The following RFC3 variants were observed in gnomAD, a reference collection of about 807,000 sequenced individuals.
RFC3 encodes replication factor C subunit 3.
RFC3 carries 41 observed loss-of-function variants against 45.1 expected under a neutral mutation model. The observed-to-expected ratio is 0.91, with a 90% CI of 0.71 to 1.18. The LOEUF (loss-of-function observed/expected upper bound fraction) is 1.18. Among genes scored for constraint, RFC3 ranks in the 50% most tolerant of loss-of-function variants. The pLI is 0.00. For synonymous variants in RFC3, 149 were observed against 144.0 expected (o/e 1.03, Z -0.25); for missense variants, 423 against 428.1 (o/e 0.99, Z 0.10).
downstream of RFC3, among the ~76,000 whole-genome samples, chr13:33,968,180 T>C (rs1171235085): frequency 9.2e-5 from 14 of 152,128 alleles, no homozygotes; most frequent in Admixed American, 9.2e-4. Flanking sequence ...TAGGCTGGAG[T>C]GCAGTGATGC....
intron 8 of RFC3, among the ~76,000 whole-genome samples, chr13:33,918,219 G>A (rs2082745663): frequency 1.3e-5 from 2 of 152,120 alleles, no homozygotes; most frequent in African/African-American, 2.4e-5. Flanking sequence ...ATTTCAGACA[G>A]ACATGCTGCA....
intron 8 of RFC3, among the ~76,000 whole-genome samples, chr13:33,957,849 G>A (rs1284676054): frequency 6.6e-6 from 1 of 152,158 alleles, no homozygotes; most frequent in Admixed American, 6.5e-5. Flanking sequence ...GGCTGGCCAG[G>A]TGGCAGCTGG....
At chr13:33,902,290 A>G (rs968088934) in intron 8 of RFC3, among the ~76,000 whole-genome samples, 1 of 152,068 alleles carries the variant, frequency 6.6e-6, no homozygotes, top group African/African-American at 2.4e-5. Flanking sequence ...TCTGCCTGCC[A>G]TAGTTTGAGA....
chr13:33,836,484 G>A lies in RFC3; in HGVS notation c.*189G>A. 7.4e-7 allele frequency: 1 copy of A among 1,342,480 alleles called. No homozygotes were observed. Among genetic ancestry groups the A allele is most frequent in the Non-Finnish European group, 9.6e-7 (1 of 1,044,020 alleles). 83.2% of individuals were successfully genotyped at this position (1,342,480 alleles called of 1,614,324 possible). A position where few individuals can be genotyped will look rare whatever the true frequency, so the allele number is the denominator to read the frequency against. On this transcript the variant is annotated 3_prime_UTR_variant, in exon 9 of 9. Coordinates refer to ENST00000380071, the MANE Select transcript of RFC3 (RefSeq NM_002915.4). Reference sequence around the variant, plus strand: ...TGCTCCTATACTATTGAAGTATGTAGTTTTGTACATAACTTAGAGACTTTA... The same window carrying A: ...TGCTCCTATACTATTGAAGTATGTAATTTTGTACATAACTTAGAGACTTTA...
intron 8 of RFC3, among the ~76,000 whole-genome samples, chr13:33,845,842 T>C (rs2082233093): frequency 6.6e-6 from 1 of 152,224 alleles, no homozygotes; most frequent in Non-Finnish European, 1.5e-5. Flanking sequence ...TAGATGTTCA[T>C]AGATGTATGG....
At chr13:33,876,997 T>G (rs1257366936) in intron 8 of RFC3, among the ~76,000 whole-genome samples, 1 of 152,200 alleles carries the variant, frequency 6.6e-6, no homozygotes, top group Non-Finnish European at 1.5e-5. Context: ...CTATAACACT[T>G]TTATTGCAAT....
intron 8 of RFC3, among the ~76,000 whole-genome samples, chr13:33,919,290 A>C (rs776690366): frequency 1.3e-5 from 2 of 151,458 alleles, no homozygotes; most frequent in Non-Finnish European, 2.9e-5. Flanking sequence ...TGCACCAGCA[A>C]ATCCATTTTT....
chr13:33,819,005 C>A (rs1307897674), intron 1 of RFC3, among the ~76,000 whole-genome samples: 6 of 151,574 alleles, frequency 4.0e-5, no homozygotes, highest in African/African-American at 1.5e-4. Flanking sequence ...ATTCTCCTGC[C>A]TCAGCCTCCC....
intron 8 of RFC3, among the ~76,000 whole-genome samples, chr13:33,865,480 G>T (rs9315259): frequency 0.18 from 9,519 of 53,362 alleles, 610 homozygotes; most frequent in East Asian, 0.3. Context: ...CATAAGAAAA[G>T]AGTAACAGGA....
intron 8 of RFC3, among the ~76,000 whole-genome samples, chr13:33,888,600 GTGACAA>G (rs2082542430): frequency 6.6e-6 from 1 of 152,152 alleles, no homozygotes; most frequent in South Asian, 2.1e-4. Context: ...ATAACTGTTA[GTGACAA>G]TGAAAGTTTT....
chr13:33,965,424 C>G (rs1325438762), intron 8 of RFC3, among the ~76,000 whole-genome samples: 1 of 152,106 alleles, frequency 6.6e-6, no homozygotes, highest in Non-Finnish European at 1.5e-5. Context: ...AGCCTAGGAG[C>G]TATACCAAAT....
rs752022003 is a variant in RFC3, at chr13:33,836,979, GT to G, written c.*688del. ...ACTGTAGTAATTACTCTTTGAACAG[GT>G]TTTGTGTTTTGTCATTAGCTCTGCC... On this transcript the variant is annotated 3_prime_UTR_variant, in exon 9 of 9. Coordinates refer to ENST00000380071, the MANE Select transcript of RFC3 (RefSeq NM_002915.4). 1 of 984,668 alleles carries G rather than the reference GT, an allele frequency of 1.0e-6. No homozygotes were observed. The highest frequency in any genetic ancestry group is 1.2e-6 in the Non-Finnish European group (1 of 829,336). The allele number at this position is 984,668 out of a possible 1,614,324, so 61.0% of individuals were successfully genotyped here.
intron 7 of RFC3, among the ~76,000 whole-genome samples, chr13:33,834,325 T>C (rs111421362): frequency 0.011 from 1,372 of 119,832 alleles, 69 homozygotes; most frequent in African/African-American, 0.042. Flanking sequence ...TATATATATA[T>C]ATATATCTGT....
rs1002588306 is a variant in RFC3 at position 33,928,567 on chromosome 13, C to T, written c.880-37520C>T. On this transcript the variant is annotated intron_variant, in intron 8 of 8. Coordinates refer to the RFC3 transcript ENST00000434425. ...TGCTTGTTAAATTAAAGGTGTTCAC[C>T]GTGCCTTATTACATTGATCAGCTCA... 5.3e-5 allele frequency among the ~76,000 whole-genome samples: 8 copies of T among 152,046 alleles called. No individual in the cohort carries two copies. In the East Asian group the frequency reaches 9.7e-4, roughly 18 times the overall value.
intron 8 of RFC3, among the ~76,000 whole-genome samples, chr13:33,946,607 C>T (rs2082955974): frequency 6.6e-6 from 1 of 152,056 alleles, no homozygotes; most frequent in Non-Finnish European, 1.5e-5. Context: ...AGAAAAATGG[C>T]ATAGTTTTAT....
At chr13:33,961,183 A>C (rs1027028189) in intron 8 of RFC3, among the ~76,000 whole-genome samples, 1 of 152,078 alleles carries the variant, frequency 6.6e-6, no homozygotes, top group Non-Finnish European at 1.5e-5. Context: ...CCTATTACAC[A>C]CATGGTCTCA....
chr13:33,856,604 A>G (rs945126397), intron 8 of RFC3, among the ~76,000 whole-genome samples: 7 of 152,174 alleles, frequency 4.6e-5, no homozygotes, highest in African/African-American at 7.2e-5. Flanking sequence ...AATACAGACA[A>G]TTGGTCTTGA....
chr13:33,867,732 A>T (rs978411748), intron 8 of RFC3, among the ~76,000 whole-genome samples: 33 of 152,168 alleles, frequency 2.2e-4, no homozygotes, highest in African/African-American at 7.7e-4. Flanking sequence ...TAAAGACCCC[A>T]CACCGGTTAC....
intron 7 of RFC3, among the ~76,000 whole-genome samples, chr13:33,834,778 G>A (rs1157370731): frequency 6.6e-6 from 1 of 151,958 alleles, no homozygotes; most frequent in East Asian, 1.9e-4. Context: ...AAATTCCATG[G>A]TGTGAATAAG....
Sources: gnomAD v4.1 joint callset for allele counts (sites outside exome capture counted in the v4.1 genomes callset) on GRCh38, gnomAD v4.1.1 for gene constraint, MANE v1.5 for transcripts, NCBI Gene and HGNC (gene_info 2026-07-23, HGNC 2026-07-21) for gene names.